The following USP13 variants were observed in gnomAD, a reference collection of about 807,000 sequenced individuals.
The protein encoded by USP13 is ubiquitin specific peptidase 13, also known as ubiquitin carboxyl-terminal hydrolase 13.
A neutral mutation model predicts 107.8 loss-of-function variants in USP13; 68 were observed. The observed-to-expected ratio is 0.63, with a 90% CI of 0.52 to 0.77. The LOEUF is 0.77. Among genes scored for constraint, USP13 ranks in the 30% least tolerant of loss-of-function variants. The probability of loss-of-function intolerance (pLI) is 0.00; values close to 1 mark genes in which losing one functional copy is unlikely to be tolerated. For missense variants in USP13, 945 were observed against 1,093.3 expected (o/e 0.86, Z 1.91); for synonymous variants, 377 against 389.5 (o/e 0.97, Z 0.38).
chr3:179,724,364 A>G (rs1164526870), intron 8 of USP13, among the ~76,000 whole-genome samples: 1 of 150,396 alleles, frequency 6.6e-6, no homozygotes, highest in African/African-American at 2.5e-5. Context: ...AGGCTGAGGC[A>G]GGAGAATTGC....
At chr3:179,672,095 G>A (rs554132204) in intron 1 of USP13, among the ~76,000 whole-genome samples, 2 of 152,138 alleles carry the variant, frequency 1.3e-5, no homozygotes, top group Non-Finnish European at 1.5e-5. Context: ...AACACCTACC[G>A]ATTGACAAAG....
chr3:179,752,579 T>C (rs1380636086), intron 14 of USP13, among the ~76,000 whole-genome samples: 2 of 152,230 alleles, frequency 1.3e-5, no homozygotes, highest in Non-Finnish European at 2.9e-5. Context: ...TTATGGTTTC[T>C]GGAATGACCA....
intron 1 of USP13, among the ~76,000 whole-genome samples, chr3:179,675,823 C>T (rs558168674): frequency 1.1e-4 from 17 of 152,256 alleles, no homozygotes; most frequent in African/African-American, 4.1e-4. Flanking sequence ...GCTGGGATTA[C>T]AGGCTTGAGC....
chr3:179,711,059 G>A (rs553814211), intron 6 of USP13, among the ~76,000 whole-genome samples: 1 of 152,218 alleles, frequency 6.6e-6, no homozygotes, highest in East Asian at 1.9e-4. Context: ...CATACACTTG[G>A]CTACACTAAA....
chr3:179,705,293 G>GTTAT (rs140624702), intron 4 of USP13, among the ~76,000 whole-genome samples: 304 of 152,066 alleles, frequency 2.0e-3, no homozygotes, highest in Middle Eastern at 6.8e-3. Flanking sequence ...TACAAATTTT[G>GTTAT]TTATTTATTT....
In USP13 at chr3:179,781,802, G is replaced by A; in HGVS notation, c.2477G>A (p.Cys826Tyr). The A allele has an allele frequency of 6.2e-7, 1 of 1,613,892 alleles. No homozygotes were observed. Among genetic ancestry groups the A allele is most frequent in the Non-Finnish European group, 8.5e-7 (1 of 1,179,912 alleles). Residue 826 changes from cysteine (C) to tyrosine (Y), a missense_variant, in exon 20 of 21, where the codon TGC becomes TAC. Cys to Tyr is a radical substitution (Grantham distance 194, BLOSUM62 -2). Coordinates refer to ENST00000263966, the MANE Select transcript of USP13 (RefSeq NM_003940.3). ...GTSTMSGHYI[C>Y]HIKKEGRWVI... ...TCCACAATGAGTGGTCATTACATTT[G>A]CCATATCAAAAAGGAAGGAAGGTGA...
intron 1 of USP13, among the ~76,000 whole-genome samples, chr3:179,671,490 A>G (rs1406052606): frequency 6.6e-6 from 1 of 152,218 alleles, no homozygotes; most frequent in Non-Finnish European, 1.5e-5. Context: ...TGAGATAACA[A>G]CATACGCCAG....
intron 15 of USP13, 63 bp downstream of exon 15, chr3:179,754,917 T>C (rs2108527525): frequency 6.6e-7 from 1 of 1,513,382 alleles, no homozygotes; most frequent in Non-Finnish European, 8.9e-7. Flanking sequence ...GAACAGTCTC[T>C]TTCTTCCACC....
intron 8 of USP13, 38 bp from the exon 9 acceptor site, chr3:179,730,151 C>T (rs1241496743): frequency 1.3e-6 from 2 of 1,563,794 alleles, no homozygotes; most frequent in Admixed American, 1.8e-5. Flanking sequence ...GTTCTTCTTG[C>T]AGTTGCTATG....
chr3:179,695,579 A>T (rs961014218), intron 3 of USP13, among the ~76,000 whole-genome samples: 4 of 151,994 alleles, frequency 2.6e-5, no homozygotes, highest in Non-Finnish European at 5.9e-5. Context: ...TAATTGAAAA[A>T]TCATTTAAAT....
chr3:179,669,838 C>T (rs1461570890), intron 1 of USP13, among the ~76,000 whole-genome samples: 1 of 152,134 alleles, frequency 6.6e-6, no homozygotes, highest in Non-Finnish European at 1.5e-5. Context: ...CTTGACCCCC[C>T]CCTCCATAAT....
intron 4 of USP13, among the ~76,000 whole-genome samples, 197 bp from the exon 5 acceptor site, chr3:179,706,737 C>G (rs532963009): frequency 6.6e-6 from 1 of 152,192 alleles, no homozygotes; most frequent in Non-Finnish European, 1.5e-5. Flanking sequence ...ATTGTCAATA[C>G]TACAAACACT....
chr3:179,667,549 G>C (rs915164914), intron 1 of USP13, among the ~76,000 whole-genome samples: 5 of 152,160 alleles, frequency 3.3e-5, no homozygotes, highest in African/African-American at 1.2e-4. Context: ...TTCCCCATTT[G>C]TCCTGAAACT....
chr3:179,725,947 A>G (rs1464235308), intron 8 of USP13, among the ~76,000 whole-genome samples: 3 of 152,152 alleles, frequency 2.0e-5, no homozygotes, highest in African/African-American at 4.8e-5. Flanking sequence ...TACCTCCCAC[A>G]GGGTCCCTCC....
At chr3:179,752,206 C>T (rs1576977477) in intron 13 of USP13, 79 bp from the exon 14 acceptor site, 3 of 1,327,830 alleles carry the variant, frequency 2.3e-6, no homozygotes, top group Non-Finnish European at 3.2e-6. Flanking sequence ...GTGCCTCAGA[C>T]AAAGTTGATA....
intron 4 of USP13, 40 bp downstream of exon 4, chr3:179,701,169 C>A: frequency 7.6e-7 from 1 of 1,315,814 alleles, no homozygotes. Context: ...ATGCGCATGG[C>A]TCTGTGTCAG....
At chr3:179,725,680 T>A (rs1713488056) in intron 8 of USP13, among the ~76,000 whole-genome samples, 1 of 152,238 alleles carries the variant, frequency 6.6e-6, no homozygotes, top group African/African-American at 2.4e-5. Context: ...TTATGGAAGT[T>A]AATCGTGTGA....
chr3:179,730,464 A>G, intron 9 of USP13, 152 bp from the exon 10 acceptor site: 1 of 830,430 alleles, frequency 1.2e-6, no homozygotes, highest in Non-Finnish European at 1.8e-6. Flanking sequence ...ATCAGTATGA[A>G]GCAGAATCAA....
At chr3:179,707,383 C>G (rs1712762525) in intron 5 of USP13, among the ~76,000 whole-genome samples, 1 of 152,092 alleles carries the variant, frequency 6.6e-6, no homozygotes, top group South Asian at 2.1e-4. Context: ...TCAGAAACAT[C>G]AGAGTGAAGC....
Sources: gnomAD v4.1 joint callset for allele counts (sites outside exome capture counted in the v4.1 genomes callset) on GRCh38, gnomAD v4.1.1 for gene constraint, MANE v1.5 for transcripts, NCBI Gene and HGNC (gene_info 2026-07-23, HGNC 2026-07-21) for gene names.